The following NKAIN2 variants were observed in gnomAD, a reference collection of about 807,000 sequenced individuals.
NKAIN2 encodes sodium/potassium-transporting ATPase subunit beta-1-interacting protein 2.
In NKAIN2, 14 loss-of-function variants were observed where a neutral mutation model predicts 32.6. The ratio of observed to expected loss-of-function variants is 0.43; its 90% confidence interval spans 0.28 to 0.67. NKAIN2 has a LOEUF of 0.67. NKAIN2 is among the 30% of genes least tolerant of loss of function. The pLI, the probability that NKAIN2 is intolerant of heterozygous loss-of-function variation, is 0.17. For synonymous variants in NKAIN2, 80 were observed against 87.2 expected, an observed-to-expected ratio of 0.92 and a Z score of 0.46; for missense variants, 198 against 258.3, an observed-to-expected ratio of 0.77 and a Z score of 1.60.
chr6:123,946,251 A>G (rs988718533), intron 1 of NKAIN2, among the ~76,000 whole-genome samples: 2 of 152,134 alleles, frequency 1.3e-5, no homozygotes, highest in African/African-American at 4.8e-5. Flanking sequence ...AACGTCTTCA[A>G]TTTAGGTGGC....
At chr6:124,279,132 A>G (rs1795179050) in intron 1 of NKAIN2, among the ~76,000 whole-genome samples, 2 of 152,252 alleles carry the variant, frequency 1.3e-5, no homozygotes, top group East Asian at 1.9e-4. Flanking sequence ...CTGAACAGCT[A>G]TGCAGTTAGC....
At chr6:123,932,434 T>TTTTTTTTTTTTTTTC (rs1481221049) in intron 1 of NKAIN2, among the ~76,000 whole-genome samples, 2 of 91,790 alleles carry the variant, frequency 2.2e-5, no homozygotes, top group Non-Finnish European at 4.3e-5. Context: ...TTTTTTTTTT[T>TTTTTTTTTTTTTTTC]GAGAAAGAGT....
chr6:124,454,168 A>C (rs1415518269), intron 3 of NKAIN2, among the ~76,000 whole-genome samples: 1 of 151,660 alleles, frequency 6.6e-6, no homozygotes, highest in African/African-American at 2.4e-5. Context: ...CCAAACATAC[A>C]AATAGATTAT....
chr6:124,626,507 C>CCAT (rs1181542124), intron 3 of NKAIN2, among the ~76,000 whole-genome samples: 3 of 152,018 alleles, frequency 2.0e-5, no homozygotes, highest in African/African-American at 4.8e-5. Flanking sequence ...GTATGTAAAT[C>CCAT]CATCTATTTA....
chr6:124,135,802 A>T (rs1786751176), intron 1 of NKAIN2, among the ~76,000 whole-genome samples: 1 of 152,282 alleles, frequency 6.6e-6, no homozygotes, highest in East Asian at 1.9e-4. Context: ...AGTGAAATCA[A>T]GATGGAAATT....
chr6:124,380,197 T>G (rs560772562), intron 3 of NKAIN2, among the ~76,000 whole-genome samples: 1 of 152,250 alleles, frequency 6.6e-6, no homozygotes, highest in Non-Finnish European at 1.5e-5. Flanking sequence ...GAATCTCATC[T>G]GTGAGGGCTG....
chr6:124,751,568 T>G (rs1194190072), intron 4 of NKAIN2, among the ~76,000 whole-genome samples: 1 of 151,834 alleles, frequency 6.6e-6, no homozygotes, highest in Non-Finnish European at 1.5e-5. Context: ...GGAATCAGTT[T>G]ATCATAGTGC....
At chr6:123,808,596 C>T (rs1016390669) in intron 1 of NKAIN2, among the ~76,000 whole-genome samples, 4 of 152,146 alleles carry the variant, frequency 2.6e-5, no homozygotes, top group Non-Finnish European at 4.4e-5. Flanking sequence ...AAGCAGGTAG[C>T]GACTTATTTT....
chr6:124,738,590 G>T (rs979267587), intron 4 of NKAIN2, among the ~76,000 whole-genome samples: 1 of 151,646 alleles, frequency 6.6e-6, no homozygotes, highest in Non-Finnish European at 1.5e-5. Flanking sequence ...TAGACCATGT[G>T]ACTATTGCTA....
At chr6:124,446,306 C>T (rs1035921860) in intron 3 of NKAIN2, among the ~76,000 whole-genome samples, 1 of 151,236 alleles carries the variant, frequency 6.6e-6, no homozygotes, top group Non-Finnish European at 1.5e-5. Context: ...CCTCTCTCCA[C>T]AAAACTTTAT....
chr6:124,057,512 G>T lies in NKAIN2; in HGVS notation c.55-225493G>T, dbSNP rs550880791. Reference sequence around the variant, plus strand: ...TCGAAATAGAAGACACTAAAAAAATGACTCAGGCAGTAATTTGTTCATAGG... The same window carrying T: ...TCGAAATAGAAGACACTAAAAAAATTACTCAGGCAGTAATTTGTTCATAGG... On this transcript the variant is annotated intron_variant, in intron 1 of 6. Transcript: ENST00000368417. 6.2e-4 allele frequency among the ~76,000 whole-genome samples: 94 copies of T among 152,090 alleles called. No individual in the cohort carries two copies. The South Asian group carries it at 0.015, about 25-fold the overall frequency.
intron 3 of NKAIN2, among the ~76,000 whole-genome samples, chr6:124,367,208 G>A (rs376132464): frequency 6.6e-6 from 1 of 152,030 alleles, no homozygotes; most frequent in Non-Finnish European, 1.5e-5. Flanking sequence ...AATGCAATAA[G>A]TTGTTCTTAT....
intron 4 of NKAIN2, among the ~76,000 whole-genome samples, chr6:124,743,095 G>A (rs1777293330): frequency 6.6e-6 from 1 of 151,848 alleles, no homozygotes; most frequent in African/African-American, 2.4e-5. Context: ...ACAGAGGCAG[G>A]GGATAGTGGT....
chr6:124,571,174 C>T (rs1436894802), intron 3 of NKAIN2, among the ~76,000 whole-genome samples: 2 of 152,124 alleles, frequency 1.3e-5, no homozygotes, highest in Non-Finnish European at 1.5e-5. Flanking sequence ...AAGTAACTAG[C>T]ATTGCTTTTG....
At chr6:123,992,745 C>T (rs184835977) in intron 1 of NKAIN2, among the ~76,000 whole-genome samples, 44 of 152,188 alleles carry the variant, frequency 2.9e-4, no homozygotes, top group African/African-American at 9.6e-4. Context: ...ATGATCCAAT[C>T]GGAGTAATTC....
rs537948002 is a variant in NKAIN2 at position 124,621,937 on chromosome 6, A to C, written c.274-36249A>C. On this transcript the variant is annotated intron_variant, in intron 3 of 6. Transcript: ENST00000368417. ...CTGGGAATCTCAGTGACAAAAATCT[A>C]TATATTCCTTGGTTCTGAATGTGAA... 2.0e-5 allele frequency among the ~76,000 whole-genome samples: 3 copies of C among 152,098 alleles called. No individual in the cohort carries two copies. In the East Asian group the frequency reaches 5.8e-4, roughly 29 times the overall value.
intron 3 of NKAIN2, among the ~76,000 whole-genome samples, chr6:124,615,162 G>A (rs986797332): frequency 7.2e-5 from 11 of 151,966 alleles, no homozygotes; most frequent in African/African-American, 2.2e-4. Flanking sequence ...CACATAAAAC[G>A]TTATCTTACA....
At chr6:123,919,031 C>T (rs915149198) in intron 1 of NKAIN2, among the ~76,000 whole-genome samples, 17 of 151,874 alleles carry the variant, frequency 1.1e-4, no homozygotes, top group African/African-American at 4.1e-4. Context: ...TATGTGTATC[C>T]TGTTGGTTAT....
intron 1 of NKAIN2, among the ~76,000 whole-genome samples, chr6:123,842,702 C>T (rs1031902517): frequency 7.9e-5 from 12 of 151,640 alleles, no homozygotes; most frequent in African/African-American, 2.9e-4. Context: ...TTAACGTCCA[C>T]TTAGAGGATT....
Sources: gnomAD v4.1 joint callset for allele counts (sites outside exome capture counted in the v4.1 genomes callset) on GRCh38, gnomAD v4.1.1 for gene constraint, MANE v1.5 for transcripts, NCBI Gene and HGNC (gene_info 2026-07-23, HGNC 2026-07-21) for gene names.